The following SERPINI1 variants were observed in gnomAD, a reference collection of about 807,000 sequenced individuals.
SERPINI1 encodes the protein serpin family I member 1.
A neutral mutation model predicts 41.1 loss-of-function variants in SERPINI1; 19 were observed. The observed-to-expected ratio is 0.46, with a 90% CI of 0.32 to 0.68. The LOEUF (loss-of-function observed/expected upper bound fraction) is 0.68. Ranked by LOEUF, SERPINI1 falls within the 30% of genes least tolerant of loss-of-function variation. SERPINI1 has a pLI of 0.03. For synonymous variants in SERPINI1, 138 were observed against 156.6 expected, an observed-to-expected ratio of 0.88 and a Z score of 0.89; for missense variants, 460 against 479.2, an observed-to-expected ratio of 0.96 and a Z score of 0.37.
intron 7 of SERPINI1, 73 bp downstream of exon 7, chr3:167,823,145 T>C: frequency 2.9e-6 from 3 of 1,051,592 alleles, no homozygotes; most frequent in Non-Finnish European, 1.5e-6. Flanking sequence ...GGGAGTGGGG[T>C]CATTTTCAAA....
intron 5 of SERPINI1, among the ~76,000 whole-genome samples, chr3:167,799,290 G>A (rs1013527053): frequency 2.0e-5 from 3 of 152,174 alleles, no homozygotes; most frequent in Non-Finnish European, 4.4e-5. Context: ...ACAACATGCG[G>A]TGTTTGGTTT....
intron 1 of SERPINI1, among the ~76,000 whole-genome samples, chr3:167,781,393 AT>A (rs1226161733): frequency 1.3e-5 from 2 of 152,022 alleles, no homozygotes; most frequent in Non-Finnish European, 2.9e-5. Flanking sequence ...TGAAATATTC[AT>A]TTTTTATGTG....
chr3:167,761,950 A>T (rs919239474), intron 1 of SERPINI1, among the ~76,000 whole-genome samples: 9 of 152,198 alleles, frequency 5.9e-5, no homozygotes, highest in Admixed American at 5.9e-4. Context: ...TGTGCTTAAG[A>T]TATTTCCATA....
intron 1 of SERPINI1, among the ~76,000 whole-genome samples, chr3:167,775,256 T>TTAA (rs1726928474): frequency 6.8e-6 from 1 of 146,734 alleles, no homozygotes; most frequent in South Asian, 2.1e-4. Flanking sequence ...ATTATTATTA[T>TTAA]TATTATTATT....
At chr3:167,819,646 A>G (rs1314247905) in intron 6 of SERPINI1, among the ~76,000 whole-genome samples, 1 of 152,254 alleles carries the variant, frequency 6.6e-6, no homozygotes, top group Non-Finnish European at 1.5e-5. Flanking sequence ...CAAAGTAATC[A>G]GGTCCTCTGT....
intron 1 of SERPINI1, among the ~76,000 whole-genome samples, chr3:167,767,261 A>T (rs1298144509): frequency 6.6e-6 from 1 of 152,188 alleles, no homozygotes; most frequent in African/African-American, 2.4e-5. Flanking sequence ...ACACAACCTG[A>T]ATGACAGCAC....
chr3:167,767,293 A>G (rs1368350427), intron 1 of SERPINI1, among the ~76,000 whole-genome samples: 1 of 152,200 alleles, frequency 6.6e-6, no homozygotes, highest in East Asian at 1.9e-4. Context: ...AGCATGACTT[A>G]GTGGTTATTT....
At chr3:167,737,999 A>G (rs1725537563) in intron 1 of SERPINI1, among the ~76,000 whole-genome samples, 1 of 152,102 alleles carries the variant, frequency 6.6e-6, no homozygotes, top group Non-Finnish European at 1.5e-5. Context: ...ATATCATTGG[A>G]AATATATGGC....
At chr3:167,817,666 C>T (rs1019503699) in intron 6 of SERPINI1, among the ~76,000 whole-genome samples, 19 of 151,984 alleles carry the variant, frequency 1.3e-4, no homozygotes, top group Non-Finnish European at 2.4e-4. Flanking sequence ...GGCCGGATCT[C>T]GGCTCACTGC....
chr3:167,801,294 A>C (rs991508467), intron 5 of SERPINI1, among the ~76,000 whole-genome samples: 2 of 152,264 alleles, frequency 1.3e-5, no homozygotes, highest in Non-Finnish European at 2.9e-5. Flanking sequence ...CAACTTATTC[A>C]GGTAGAAAGT....
intron 5 of SERPINI1, among the ~76,000 whole-genome samples, chr3:167,796,095 T>G (rs1727703477): frequency 6.6e-6 from 1 of 152,112 alleles, no homozygotes; most frequent in African/African-American, 2.4e-5. Flanking sequence ...CCATTCATAT[T>G]TATTCTAATT....
intron 1 of SERPINI1, among the ~76,000 whole-genome samples, chr3:167,770,748 GTAAAA>G (rs1357307340): frequency 6.6e-6 from 1 of 152,058 alleles, no homozygotes; most frequent in African/African-American, 2.4e-5. Flanking sequence ...TGTTTCAACA[GTAAAA>G]TAAAGCCCAG....
intron 1 of SERPINI1, among the ~76,000 whole-genome samples, chr3:167,781,968 T>C (rs1001936323): frequency 6.6e-6 from 1 of 152,130 alleles, no homozygotes; most frequent in African/African-American, 2.4e-5. Context: ...TATACACTTA[T>C]ATGCAACTTA....
intron 1 of SERPINI1, among the ~76,000 whole-genome samples, chr3:167,774,044 T>C (rs1434397016): frequency 6.7e-6 from 1 of 148,416 alleles, no homozygotes; most frequent in East Asian, 1.9e-4. Context: ...CAAGTTTTTT[T>C]CTAAAAAAAA....
intron 6 of SERPINI1, among the ~76,000 whole-genome samples, chr3:167,810,912 G>C (rs1006435310): frequency 6.6e-6 from 1 of 151,994 alleles, no homozygotes; most frequent in African/African-American, 2.4e-5. Flanking sequence ...TCTTCACCAG[G>C]AGTAGATCTC....
intron 1 of SERPINI1, among the ~76,000 whole-genome samples, chr3:167,768,939 A>G (rs1409415142): frequency 3.3e-5 from 5 of 152,240 alleles, no homozygotes; most frequent in South Asian, 4.1e-4. Context: ...TCCTAAAGCC[A>G]GTATGCCTGT....
chr3:167,801,766 GA>G (rs1727906740), intron 5 of SERPINI1, among the ~76,000 whole-genome samples: 1 of 152,212 alleles, frequency 6.6e-6, no homozygotes, highest in East Asian at 1.9e-4. Flanking sequence ...TAAGAGGAAA[GA>G]AATAATAAAT....
chr3:167,763,418 C>T (rs573590552), intron 1 of SERPINI1, among the ~76,000 whole-genome samples: 23 of 151,198 alleles, frequency 1.5e-4, no homozygotes, highest in South Asian at 8.3e-4. Flanking sequence ...CTTACTCTGT[C>T]ACCCAGGCTC....
chr3:167,763,722 T>A (rs1288410379), intron 1 of SERPINI1, among the ~76,000 whole-genome samples: 3 of 152,256 alleles, frequency 2.0e-5, no homozygotes, highest in South Asian at 4.2e-4. Flanking sequence ...GAGGTCAATA[T>A]GTAGAATTTC....
Sources: allele counts gnomAD v4.1 joint callset (sites outside exome capture counted in the v4.1 genomes callset), GRCh38; gene constraint gnomAD v4.1.1; transcripts MANE v1.5; gene names NCBI Gene and HGNC (gene_info 2026-07-23, HGNC 2026-07-21).